TMEM232: variants seen among roughly 807,000 people sequenced by gnomAD.
TMEM232 encodes transmembrane protein 232.
TMEM232 carries 80 observed loss-of-function variants against 78.8 expected under a neutral mutation model. The observed-to-expected ratio is 1.01, with a 90% CI of 0.85 to 1.22. TMEM232 has a LOEUF of 1.22. Ranked by LOEUF, TMEM232 falls within the 50% of genes most tolerant of loss-of-function variation. The pLI, the probability that TMEM232 is intolerant of heterozygous loss-of-function variation, is 0.00. For synonymous variants in TMEM232, 297 were observed against 254.3 expected, an observed-to-expected ratio of 1.17 and a Z score of -1.60; for missense variants, 881 against 742.2, an observed-to-expected ratio of 1.19 and a Z score of -2.17.
chr5:110,706,968 C>G (rs188161580), intron 1 of TMEM232, among the ~76,000 whole-genome samples: 1 of 152,282 alleles, frequency 6.6e-6, no homozygotes, highest in African/African-American at 2.4e-5. Flanking sequence ...GAGACCTGTC[C>G]TCTTCAAATC....
At chr5:110,542,138 C>CTACA (rs2149582572) in intron 11 of TMEM232, among the ~76,000 whole-genome samples, 1 of 152,266 alleles carries the variant, frequency 6.6e-6, no homozygotes, top group South Asian at 2.1e-4. Context: ...TTGTGAAAGA[C>CTACA]CCGAAGTTCC....
At position 110,573,030 on chromosome 5, in the gene TMEM232, T is replaced by C. The variant is rs116055671; in HGVS notation, c.1277-4405A>G. On this transcript the variant is annotated intron_variant, in intron 10 of 13. Transcript: ENST00000455884. ...ACTTTAAATATACTGAGAGAAAATA[T>C]GTCTGTGTCTGCAGCTAAGCAGACA... Among the ~76,000 whole-genome samples, 691 of 152,116 alleles carry C rather than the reference T, an allele frequency of 4.5e-3. 5 individuals are homozygous for C. Among genetic ancestry groups the C allele is most frequent in the African/African-American group, 0.016 (654 of 41,534 alleles).
chr5:110,406,368 TC>T (rs1228216595), intron 2 of TMEM232, among the ~76,000 whole-genome samples: 7 of 151,938 alleles, frequency 4.6e-5, no homozygotes, highest in Admixed American at 2.0e-4. Context: ...TTAGGTTGAT[TC>T]TGTATCTTTG....
At chr5:110,511,925 C>G (rs1231099176) in intron 12 of TMEM232, among the ~76,000 whole-genome samples, 1 of 152,122 alleles carries the variant, frequency 6.6e-6, no homozygotes, top group Middle Eastern at 3.2e-3. Flanking sequence ...CTTAAATGCT[C>G]CATGGTCCCT....
intron 11 of TMEM232, among the ~76,000 whole-genome samples, chr5:110,558,416 T>C (rs1212126406): frequency 6.6e-6 from 1 of 152,060 alleles, no homozygotes; most frequent in Non-Finnish European, 1.5e-5. Context: ...GGGAAGGCTA[T>C]AAGTGGGTGT....
chr5:110,400,811 T>C (rs963938857), intron 2 of TMEM232, among the ~76,000 whole-genome samples: 6 of 152,096 alleles, frequency 3.9e-5, no homozygotes, highest in African/African-American at 1.4e-4. Flanking sequence ...CGGGGGAACA[T>C]CCCTGGTTAT....
intron 2 of TMEM232, among the ~76,000 whole-genome samples, chr5:110,665,796 T>C (rs1790488555): frequency 6.6e-6 from 1 of 150,598 alleles, no homozygotes. Flanking sequence ...GGCTCATGCC[T>C]GTAATTCCAA....
Position 110,547,299 on chromosome 5 carries a change from C to T in TMEM232, c.1456-18464G>A, listed in dbSNP as rs552798411. Among the ~76,000 whole-genome samples, 8 of 152,144 alleles carry T rather than the reference C, an allele frequency of 5.3e-5. No homozygotes were observed. In the East Asian group the frequency reaches 5.8e-4, roughly 11 times the overall value. On this transcript the variant is annotated intron_variant, in intron 11 of 13. Coordinates refer to ENST00000455884, the MANE Select transcript of TMEM232 (RefSeq NM_001039763.4). ...TTTGTTCTTTTACTCAGCAAAATTA[C>T]GCATGAGAGGGAAGAAATTTTAGCT...
At chr5:110,559,195 T>A (rs560554086) in intron 11 of TMEM232, among the ~76,000 whole-genome samples, 3 of 152,122 alleles carry the variant, frequency 2.0e-5, no homozygotes, top group Non-Finnish European at 2.9e-5. Context: ...AAAAAATCAA[T>A]TTCAGATGAA....
chr5:110,591,642 C>G (rs771826524), intron 10 of TMEM232, among the ~76,000 whole-genome samples: 17 of 152,014 alleles, frequency 1.1e-4, no homozygotes, highest in Non-Finnish European at 2.4e-4. Flanking sequence ...ATCCCATGGA[C>G]AGTATTCTTA....
At chr5:110,550,672 T>G (rs551408228) in intron 11 of TMEM232, among the ~76,000 whole-genome samples, 3 of 151,854 alleles carry the variant, frequency 2.0e-5, no homozygotes, top group Non-Finnish European at 4.4e-5. Context: ...AAAACATTAT[T>G]GATAGAAATT....
In TMEM232 at chr5:110,397,149, G is replaced by A. The variant is rs144434306; in HGVS notation, n.390+624C>T. 9.1e-4 allele frequency among the ~76,000 whole-genome samples: 139 copies of A among 152,220 alleles called. 5 individuals carry two copies. In the East Asian group the frequency reaches 0.025, roughly 27 times the overall value. On this transcript the variant is annotated intron_variant and non_coding_transcript_variant, in intron 3 of 8. Coordinates refer to the TMEM232 transcript ENST00000507188. ...TTCTACAATCTGTCACTGGACCTTG[G>A]AGCAAATGCTTAAACCTCCTATGAA...
intron 1 of TMEM232, among the ~76,000 whole-genome samples, chr5:110,673,251 A>C (rs1461339670): frequency 1.3e-5 from 2 of 151,622 alleles, no homozygotes; most frequent in East Asian, 3.9e-4. Context: ...GGAACTGAAC[A>C]ATGAGAACAC....
intron 12 of TMEM232, among the ~76,000 whole-genome samples, chr5:110,488,733 A>G (rs7708344): frequency 0.044 from 6,714 of 152,060 alleles, 485 homozygotes; most frequent in African/African-American, 0.15. Flanking sequence ...ATAAAATAGA[A>G]AATAGTAAAC....
Position 110,615,652 on chromosome 5 carries a change from G to T in TMEM232, c.902+2777C>A, listed in dbSNP as rs147926279. 2.0e-3 allele frequency among the ~76,000 whole-genome samples: 306 copies of T among 151,166 alleles called. 1 individual carries two copies. The highest frequency in any genetic ancestry group is 2.2e-3 in the Non-Finnish European group (150 of 67,626). Reference sequence around the variant, plus strand: ...AGCCAGAGCAATTAGGCAAGAAAAAGAAAAAAAAGTCATCTAAACAGGAAC... The same window carrying T: ...AGCCAGAGCAATTAGGCAAGAAAAATAAAAAAAAGTCATCTAAACAGGAAC... On this transcript the variant is annotated intron_variant, in intron 8 of 13. Coordinates refer to ENST00000455884, the MANE Select transcript of TMEM232 (RefSeq NM_001039763.4).
At chr5:110,497,992 A>G (rs1170941359) in intron 12 of TMEM232, among the ~76,000 whole-genome samples, 2 of 152,324 alleles carry the variant, frequency 1.3e-5, no homozygotes, top group South Asian at 2.1e-4. Context: ...GGAGGGAATT[A>G]TAACAGAAGA....
chr5:110,714,788 G>C (rs890627670), intron 1 of TMEM232, among the ~76,000 whole-genome samples: 1 of 152,094 alleles, frequency 6.6e-6, no homozygotes, highest in East Asian at 1.9e-4. Context: ...CTGTATTTGA[G>C]AGATACAAAT....
intron 13 of TMEM232, among the ~76,000 whole-genome samples, chr5:110,424,063 T>C (rs1380344329): frequency 1.3e-5 from 2 of 152,084 alleles, no homozygotes; most frequent in Non-Finnish European, 2.9e-5. Flanking sequence ...GTTGCTAGAG[T>C]GGCTTAATTA....
At chr5:110,642,795 G>A (rs923750804) in intron 2 of TMEM232, among the ~76,000 whole-genome samples, 1 of 152,082 alleles carries the variant, frequency 6.6e-6, no homozygotes, top group Non-Finnish European at 1.5e-5. Flanking sequence ...TTGGATTTGA[G>A]GGAGCAAGGG....
Sources: allele counts gnomAD v4.1 joint callset (sites outside exome capture counted in the v4.1 genomes callset), GRCh38; gene constraint gnomAD v4.1.1; transcripts MANE v1.5; gene names NCBI Gene and HGNC (gene_info 2026-07-23, HGNC 2026-07-21).